The following ABTB3 variants were observed in gnomAD, a reference collection of about 807,000 sequenced individuals.
The protein encoded by ABTB3 is ankyrin repeat and BTB domain containing 3.
the ABTB3 span, among the ~76,000 whole-genome samples, chr12:107,453,615 T>C: frequency 6.6e-6 from 1 of 152,194 alleles, no homozygotes; most frequent in Non-Finnish European, 1.5e-5. Context: ...CAGTCTATAG[T>C]ATTTTGTTAT....
At chr12:107,571,365 A>G in the ABTB3 span, among the ~76,000 whole-genome samples, 1 of 152,216 alleles carries the variant, frequency 6.6e-6, no homozygotes, top group Non-Finnish European at 1.5e-5. Flanking sequence ...CCTTACTACC[A>G]CATCAGCACC....
At chr12:107,593,434 T>G in the ABTB3 span, among the ~76,000 whole-genome samples, 20 of 152,342 alleles carry the variant, frequency 1.3e-4, no homozygotes, top group African/African-American at 4.8e-4. Flanking sequence ...GGAATTTGGT[T>G]TGTTTATTGG....
chr12:107,519,613 A>T, the ABTB3 span, among the ~76,000 whole-genome samples: 2 of 152,132 alleles, frequency 1.3e-5, no homozygotes, highest in African/African-American at 4.8e-5. Context: ...CCACCACACC[A>T]GGCCTAGGGC....
chr12:107,606,744 A>G, the ABTB3 span, among the ~76,000 whole-genome samples: 1 of 152,210 alleles, frequency 6.6e-6, no homozygotes, highest in Non-Finnish European at 1.5e-5. Context: ...CTCTTCCAGA[A>G]TTGGATAGTG....
chr12:107,375,924 G>A, the ABTB3 span, among the ~76,000 whole-genome samples: 1 of 152,116 alleles, frequency 6.6e-6, no homozygotes, highest in African/African-American at 2.4e-5. Context: ...GTACCATCCT[G>A]CCTAGCCTGG....
the ABTB3 span, among the ~76,000 whole-genome samples, chr12:107,515,417 C>A: frequency 2.0e-5 from 3 of 152,190 alleles, no homozygotes; most frequent in Non-Finnish European, 4.4e-5. Flanking sequence ...TGACCATCAT[C>A]CCCTTTCCCT....
At chr12:107,522,727 A>AAAGGAGGG in the ABTB3 span, among the ~76,000 whole-genome samples, 114 of 145,856 alleles carry the variant, frequency 7.8e-4, no homozygotes, top group Middle Eastern at 0.01. Flanking sequence ...GGAAATGGGA[A>AAAGGAGGG]AAGGAGGGAA....
At chr12:107,381,559 G>A in the ABTB3 span, among the ~76,000 whole-genome samples, 20 of 152,216 alleles carry the variant, frequency 1.3e-4, no homozygotes, top group Non-Finnish European at 2.2e-4. Context: ...AGAGGGCAGC[G>A]TCTTCCTCAG....
the ABTB3 span, chr12:107,319,050 G>A: frequency 6.2e-7 from 1 of 1,613,554 alleles, no homozygotes; most frequent in South Asian, 1.1e-5. Context: ...TTGTCTTTGT[G>A]CTGTTCCGAC....
the ABTB3 span, among the ~76,000 whole-genome samples, chr12:107,566,680 C>CACACACACACACACACACAA: frequency 4.9e-4 from 74 of 151,484 alleles, no homozygotes; most frequent in African/African-American, 1.7e-3. Flanking sequence ...CACACACACA[C>CACACACACACACACACACAA]ACACAAACAT....
At chr12:107,522,802 G>GGGGAA in the ABTB3 span, among the ~76,000 whole-genome samples, 13,477 of 146,966 alleles carry the variant, frequency 0.092, 705 homozygotes, top group Middle Eastern at 0.11. Flanking sequence ...GAGGGAGGGA[G>GGGGAA]GGGAAGGGAA....
the ABTB3 span, among the ~76,000 whole-genome samples, chr12:107,568,903 C>A: frequency 6.5e-4 from 99 of 152,302 alleles, no homozygotes; most frequent in East Asian, 0.019. Flanking sequence ...GTGCTTCTGA[C>A]TCAATGCACG....
At chr12:107,343,799 A>T in the ABTB3 span, among the ~76,000 whole-genome samples, 1 of 152,190 alleles carries the variant, frequency 6.6e-6, no homozygotes, top group Non-Finnish European at 1.5e-5. Flanking sequence ...AGGCAGCAGG[A>T]AGGAGAGAGA....
At chr12:107,419,370 C>T in the ABTB3 span, among the ~76,000 whole-genome samples, 1 of 152,186 alleles carries the variant, frequency 6.6e-6, no homozygotes, top group African/African-American at 2.4e-5. Flanking sequence ...CCTGAGAATC[C>T]TTCCATGATC....
chr12:107,546,666 C>A, the ABTB3 span, among the ~76,000 whole-genome samples: 79 of 152,092 alleles, frequency 5.2e-4, no homozygotes, highest in African/African-American at 1.8e-3. Context: ...GAGTTTGAGA[C>A]CAGCCTGGCC....
the ABTB3 span, among the ~76,000 whole-genome samples, chr12:107,591,080 T>A: frequency 6.6e-6 from 1 of 152,346 alleles, no homozygotes; most frequent in Admixed American, 6.5e-5. Context: ...AAGGAACCAG[T>A]CCCATACTTT....
the ABTB3 span, among the ~76,000 whole-genome samples, chr12:107,325,962 A>G: frequency 1.3e-5 from 2 of 152,158 alleles, no homozygotes; most frequent in Admixed American, 6.5e-5. Flanking sequence ...CTGGAGTGCA[A>G]TGGTGCAATC....
the ABTB3 span, among the ~76,000 whole-genome samples, chr12:107,599,692 G>A: frequency 1.1e-4 from 16 of 152,066 alleles, no homozygotes; most frequent in Non-Finnish European, 1.2e-4. Flanking sequence ...TGAGGCTGGG[G>A]CCCCTCTCTG....
At chr12:107,586,503 C>A in the ABTB3 span, among the ~76,000 whole-genome samples, 6 of 152,176 alleles carry the variant, frequency 3.9e-5, no homozygotes, top group Non-Finnish European at 8.8e-5. Flanking sequence ...GGCTGGGCTG[C>A]CAACCCCTTC....
Sources: allele counts gnomAD v4.1 joint callset (sites outside exome capture counted in the v4.1 genomes callset), GRCh38; gene constraint gnomAD v4.1.1; transcripts MANE v1.5; gene names NCBI Gene and HGNC (gene_info 2026-07-23, HGNC 2026-07-21).